Variants in KIZ observed in about 807,000 individuals in gnomAD.
KIZ encodes the protein kizuna centrosomal protein.
Under a neutral mutation model 79.6 loss-of-function variants are expected in KIZ, and 68 were observed. The ratio of observed to expected loss-of-function variants is 0.85; its 90% CI spans 0.70 to 1.05. The LOEUF is 1.05. KIZ is among the 50% of genes least tolerant of loss of function. The pLI is 0.00. For missense variants in KIZ, 797 were observed against 800.4 expected, an observed-to-expected ratio of 1.00 and a Z score of 0.05; for synonymous variants, 280 against 281.8, an observed-to-expected ratio of 0.99 and a Z score of 0.06.
intron 6 of KIZ, among the ~76,000 whole-genome samples, chr20:21,172,467 T>C (rs1312336520): frequency 6.6e-6 from 1 of 151,858 alleles, no homozygotes; most frequent in East Asian, 1.9e-4. Context: ...TAGCCAGGTG[T>C]GGTGGCGCAC....
chr20:21,225,618 T>C (rs2123399088), intron 9 of KIZ, among the ~76,000 whole-genome samples: 1 of 152,364 alleles, frequency 6.6e-6, no homozygotes, highest in Non-Finnish European at 1.5e-5. Flanking sequence ...TTTGCTCCTT[T>C]ATTTGTTCAT....
At chr20:21,163,552 G>A (rs1050985681) in intron 6 of KIZ, among the ~76,000 whole-genome samples, 4 of 152,168 alleles carry the variant, frequency 2.6e-5, no homozygotes, top group Non-Finnish European at 2.9e-5. Context: ...TAGGAATGCA[G>A]CATTAGAGTC....
chr20:21,132,699 T>TA (rs1416634019), intron 2 of KIZ, among the ~76,000 whole-genome samples: 5 of 152,254 alleles, frequency 3.3e-5, no homozygotes, highest in Non-Finnish European at 7.3e-5. Context: ...CAAAATATGT[T>TA]ATTTTCATTA....
chr20:21,156,171 A>G (rs972106603), intron 4 of KIZ, among the ~76,000 whole-genome samples: 8 of 152,186 alleles, frequency 5.3e-5, no homozygotes, highest in African/African-American at 1.9e-4. Context: ...AGTTTCCACC[A>G]TTGTTACCAT....
chr20:21,219,179 C>T (rs55800080), intron 9 of KIZ, among the ~76,000 whole-genome samples: 1 of 74,616 alleles, frequency 1.3e-5, no homozygotes, highest in Admixed American at 1.4e-4. Context: ...CTGCCATATA[C>T]CAGGTAGAAT....
chr20:21,178,591 A>G (rs2034528404), intron 6 of KIZ, among the ~76,000 whole-genome samples: 1 of 152,264 alleles, frequency 6.6e-6, no homozygotes, highest in South Asian at 2.1e-4. Context: ...TATTCTGGCT[A>G]GGGCTTTCAG....
intron 9 of KIZ, chr20:21,226,037 C>A (rs975770968): frequency 2.0e-5 from 3 of 152,198 alleles, no homozygotes; most frequent in Non-Finnish European, 2.9e-5. Context: ...GTACCACTTT[C>A]AGTGAACACA....
At chr20:21,235,695 T>G (rs1445005272) in intron 11 of KIZ, among the ~76,000 whole-genome samples, 1 of 152,262 alleles carries the variant, frequency 6.6e-6, no homozygotes, top group African/African-American at 2.4e-5. Flanking sequence ...TTGGACCAGA[T>G]AATGTTTTAC....
At chr20:21,160,009 C>T (rs1166429757) in intron 4 of KIZ, among the ~76,000 whole-genome samples, 1 of 152,232 alleles carries the variant, frequency 6.6e-6, no homozygotes, top group Non-Finnish European at 1.5e-5. Context: ...TCCTGGACTA[C>T]ACTCGTTATT....
intron 4 of KIZ, among the ~76,000 whole-genome samples, chr20:21,156,518 T>A (rs1413180668): frequency 2.0e-5 from 3 of 152,142 alleles, no homozygotes; most frequent in Non-Finnish European, 4.4e-5. Flanking sequence ...TGCTGCCAGT[T>A]GTATGAAAGT....
At chr20:21,193,647 C>G (rs1183228444) in intron 6 of KIZ, among the ~76,000 whole-genome samples, 4 of 151,902 alleles carry the variant, frequency 2.6e-5, no homozygotes, top group East Asian at 1.9e-4. Context: ...AAATGTGGCA[C>G]ATATACACCA....
intron 7 of KIZ, among the ~76,000 whole-genome samples, chr20:21,211,762 T>C (rs1352430737): frequency 6.6e-6 from 1 of 152,208 alleles, no homozygotes; most frequent in Non-Finnish European, 1.5e-5. Context: ...ACAGTACATC[T>C]TGAGAATGTG....
intron 7 of KIZ, among the ~76,000 whole-genome samples, chr20:21,211,363 C>T (rs1348013312): frequency 6.6e-6 from 1 of 152,218 alleles, no homozygotes; most frequent in East Asian, 1.9e-4. Flanking sequence ...GTCCTTTCTC[C>T]TGGCTCCTGG....
chr20:21,168,467 T>G (rs1476832611), intron 6 of KIZ, among the ~76,000 whole-genome samples: 5 of 152,158 alleles, frequency 3.3e-5, no homozygotes, highest in Non-Finnish European at 7.3e-5. Context: ...TCCATGCTCA[T>G]GGGTAGGAAG....
At chr20:21,162,681 A>T (rs2033733749) in intron 5 of KIZ, 169 bp from the exon 6 acceptor site, 1 of 782,636 alleles carries the variant, frequency 1.3e-6, no homozygotes, top group Non-Finnish European at 2.0e-6. Flanking sequence ...TTTTAAACCC[A>T]CTGTGATTTT....
At chr20:21,209,445 C>T (rs1488285335) in intron 7 of KIZ, among the ~76,000 whole-genome samples, 2 of 152,172 alleles carry the variant, frequency 1.3e-5, no homozygotes, top group Non-Finnish European at 2.9e-5. Flanking sequence ...TAGAGTAGAT[C>T]GGGGTCCTGC....
chr20:21,173,142 G>C (rs6035803), intron 6 of KIZ, among the ~76,000 whole-genome samples: 95,890 of 152,022 alleles, frequency 0.63, 30,696 homozygotes, highest in South Asian at 0.78. Flanking sequence ...GGAAAATCAA[G>C]TTGGGGAAAG....
chr20:21,215,214 A>G (rs1025193636), intron 8 of KIZ, among the ~76,000 whole-genome samples: 1 of 152,262 alleles, frequency 6.6e-6, no homozygotes, highest in African/African-American at 2.4e-5. Context: ...CTGCTAAGAC[A>G]TGCCATTTAA....
intron 6 of KIZ, among the ~76,000 whole-genome samples, chr20:21,201,573 TG>T (rs2035599941): frequency 6.6e-6 from 1 of 152,258 alleles, no homozygotes; most frequent in South Asian, 2.1e-4. Context: ...TTTATTACTC[TG>T]CATTTAAAGT....
Sources: allele counts gnomAD v4.1 joint callset (sites outside exome capture counted in the v4.1 genomes callset), GRCh38; gene constraint gnomAD v4.1.1; transcripts MANE v1.5; gene names NCBI Gene and HGNC (gene_info 2026-07-23, HGNC 2026-07-21).